Variants in OSTN observed in about 807,000 individuals in gnomAD.
The protein encoded by OSTN is osteocrin.
In OSTN, 9 loss-of-function variants were observed where a neutral mutation model predicts 12.0. The ratio of observed to expected loss-of-function variants is 0.75; its 90% CI spans 0.45 to 1.30. The LOEUF is 1.30. OSTN is among the 50% of genes most tolerant of loss of function. OSTN has a pLI of 0.00. For missense variants in OSTN, 148 were observed against 152.3 expected (o/e 0.97, Z 0.15); for synonymous variants, 59 against 56.9 (o/e 1.04, Z -0.16).
At chr3:191,262,476 TA>T (rs1715834062) in intron 4 of OSTN, among the ~76,000 whole-genome samples, 2 of 152,238 alleles carry the variant, frequency 1.3e-5, no homozygotes, top group Admixed American at 6.5e-5. Context: ...CAATGTGTTA[TA>T]ATAAACAGAA....
At position 191,214,317 on chromosome 3, in the gene OSTN, G is replaced by A. The variant is rs545075331; in HGVS notation, c.102+1683G>A. Among the ~76,000 whole-genome samples, 24 of 151,632 alleles carry A rather than the reference G, an allele frequency of 1.6e-4. No individual in the cohort carries two copies. The East Asian group carries it at 4.7e-3, about 29-fold the overall frequency. On this transcript the variant is annotated intron_variant, in intron 2 of 4. Coordinates refer to ENST00000682035, the MANE Select transcript of OSTN (RefSeq NM_198184.2). The stretch of plus-strand genomic sequence containing the variant: ...CCAAAAATTAGCTGGGGGTAGTGGT[G>A]GGCGCCTGTAGTCCCTGCTGCTTGG...
chr3:191,253,370 C>A (rs1715604958), intron 4 of OSTN, among the ~76,000 whole-genome samples: 1 of 152,080 alleles, frequency 6.6e-6, no homozygotes, highest in African/African-American at 2.4e-5. Context: ...ACTATAGGGG[C>A]CAAATGCCCG....
chr3:191,204,178 C>T (rs1373871762), intron 1 of OSTN, among the ~76,000 whole-genome samples: 1 of 152,204 alleles, frequency 6.6e-6, no homozygotes, highest in African/African-American at 2.4e-5. Context: ...GCGTGAGCCA[C>T]CGTGCCCAGC....
intron 2 of OSTN, chr3:191,217,167 A>C (rs994105802): frequency 2.0e-5 from 3 of 152,222 alleles, no homozygotes; most frequent in African/African-American, 7.2e-5. Context: ...AGGAAGAATG[A>C]ATGCAGGAGG....
intron 4 of OSTN, among the ~76,000 whole-genome samples, chr3:191,262,339 T>C (rs1007822001): frequency 2.6e-5 from 4 of 152,256 alleles, no homozygotes; most frequent in African/African-American, 9.6e-5. Flanking sequence ...TTATTTTAGA[T>C]TTATATTGAC....
At chr3:191,215,649 A>G (rs1252741058) in intron 2 of OSTN, among the ~76,000 whole-genome samples, 2 of 152,254 alleles carry the variant, frequency 1.3e-5, no homozygotes, top group Admixed American at 6.5e-5. Flanking sequence ...CAAATCAGAA[A>G]TCCTACAGGG....
chr3:191,204,972 A>G (rs1244405849), intron 1 of OSTN, among the ~76,000 whole-genome samples: 1 of 152,224 alleles, frequency 6.6e-6, no homozygotes, highest in East Asian at 1.9e-4. Context: ...TTCAAATTAT[A>G]GTTTACAAAG....
At position 191,232,493 on chromosome 3, in the gene OSTN, C is replaced by A. The variant is rs114814273; in HGVS notation, c.317+13532C>A. Among the ~76,000 whole-genome samples, 153 of 146,264 alleles carry A rather than the reference C, an allele frequency of 1.0e-3. 1 individual carries two copies. Among genetic ancestry groups the A allele is most frequent in the African/African-American group, 3.5e-3 (144 of 40,706 alleles). ...TATTACTATTATTTTTTTCTATATT[C>A]ATAAAGTAAATGCTATATATATATA... On this transcript the variant is annotated intron_variant, in intron 3 of 4. Transcript: ENST00000682035.
intron 3 of OSTN, among the ~76,000 whole-genome samples, chr3:191,236,737 C>T (rs1466440781): frequency 1.3e-5 from 2 of 152,052 alleles, no homozygotes; most frequent in African/African-American, 4.8e-5. Flanking sequence ...TCTGGACCTG[C>T]TAAGTCCTGG....
chr3:191,226,365 G>A (rs1714910068), intron 3 of OSTN, among the ~76,000 whole-genome samples: 1 of 152,140 alleles, frequency 6.6e-6, no homozygotes, highest in African/African-American at 2.4e-5. Context: ...AAGTGCAACA[G>A]AATAAGAACT....
chr3:191,259,852 CTTT>C (rs372562335), intron 4 of OSTN, among the ~76,000 whole-genome samples: 3 of 132,528 alleles, frequency 2.3e-5, no homozygotes, highest in East Asian at 2.1e-4. Flanking sequence ...ATGTATCCTT[CTTT>C]TTTTTTTTTT....
chr3:191,246,614 A>AAAAGAAAG (rs576572980), intron 3 of OSTN, among the ~76,000 whole-genome samples: 1 of 151,322 alleles, frequency 6.6e-6, no homozygotes. Flanking sequence ...CAAAAAAAAA[A>AAAAGAAAG]AAAGAAAGAA....
At chr3:191,258,452 G>A (rs1715724428) in intron 4 of OSTN, among the ~76,000 whole-genome samples, 1 of 152,068 alleles carries the variant, frequency 6.6e-6, no homozygotes, top group African/African-American at 2.4e-5. Context: ...GAGAACACAT[G>A]GACACAGGGA....
chr3:191,259,949 G>A (rs931028531), intron 4 of OSTN, among the ~76,000 whole-genome samples: 11 of 146,154 alleles, frequency 7.5e-5, no homozygotes, highest in African/African-American at 2.8e-4. Context: ...CCACCTCCCC[G>A]GTTCAAGTGA....
intron 3 of OSTN, among the ~76,000 whole-genome samples, chr3:191,249,286 T>A (rs951821402): frequency 6.6e-6 from 1 of 152,204 alleles, no homozygotes; most frequent in African/African-American, 2.4e-5. Context: ...GTTAGGATTT[T>A]GGCTTGATAG....
chr3:191,240,372 T>A (rs553136178), intron 3 of OSTN, among the ~76,000 whole-genome samples: 7 of 152,336 alleles, frequency 4.6e-5, no homozygotes, highest in Admixed American at 2.0e-4. Context: ...GATTGCAGGA[T>A]TCATGGATGA....
intron 1 of OSTN, among the ~76,000 whole-genome samples, chr3:191,208,115 T>C (rs1373313042): frequency 6.6e-6 from 1 of 152,054 alleles, no homozygotes; most frequent in Admixed American, 6.6e-5. Context: ...GAAATATTAC[T>C]CAAAAATTAC....
chr3:191,229,452 G>A (rs903757739), intron 3 of OSTN, among the ~76,000 whole-genome samples: 1 of 152,140 alleles, frequency 6.6e-6, no homozygotes, highest in Admixed American at 6.5e-5. Flanking sequence ...AATAATACAG[G>A]AGTGGGAGTG....
At chr3:191,225,273 A>G (rs898076361) in intron 3 of OSTN, among the ~76,000 whole-genome samples, 2 of 152,018 alleles carry the variant, frequency 1.3e-5, no homozygotes, top group Non-Finnish European at 2.9e-5. Context: ...AAATAGATAC[A>G]CTCCAATTAC....
Sources: allele counts gnomAD v4.1 joint callset (sites outside exome capture counted in the v4.1 genomes callset), GRCh38; gene constraint gnomAD v4.1.1; transcripts MANE v1.5; gene names NCBI Gene and HGNC (gene_info 2026-07-23, HGNC 2026-07-21).